The following ANKH variants were observed in gnomAD, a reference collection of about 807,000 sequenced individuals.
ANKH encodes mineralization regulator ANKH.
Under a neutral mutation model 49.0 loss-of-function variants are expected in ANKH, and 15 were observed. That is an observed-to-expected ratio of 0.31 (90% CI 0.20 to 0.47). The LOEUF (loss-of-function observed/expected upper bound fraction) is 0.47, where lower values mean the gene tolerates loss of function less well. ANKH is among the 20% of genes least tolerant of loss of function. The pLI, the probability that ANKH is intolerant of heterozygous loss-of-function variation, is 1.00. For missense variants in ANKH, 429 were observed against 652.0 expected, an observed-to-expected ratio of 0.66 and a Z score of 3.72; for synonymous variants, 273 against 260.0, an observed-to-expected ratio of 1.05 and a Z score of -0.48.
At chr5:14,781,701 T>C (rs945882642) in intron 1 of ANKH, among the ~76,000 whole-genome samples, 7 of 152,302 alleles carry the variant, frequency 4.6e-5, no homozygotes, top group Middle Eastern at 6.8e-3. Context: ...TTCAAGATGG[T>C]AGAAGGCCTG....
rs1287668256 is a variant in ANKH at position 14,835,081 on chromosome 5, T to C, written c.96+36271A>G. On this transcript the variant is annotated intron_variant, in intron 1 of 11. Coordinates refer to ENST00000284268, the MANE Select transcript of ANKH (RefSeq NM_054027.6). ...ATCAAGCAAGATTAACCATTACTTCTGATACTAGTACAACTCATTTACATT... is the reference window on the plus strand; with the variant it reads ...ATCAAGCAAGATTAACCATTACTTCCGATACTAGTACAACTCATTTACATT... Among the ~76,000 whole-genome samples the C allele has an allele frequency of 2.6e-5, 4 of 152,240 alleles. No homozygotes were observed. In the South Asian group the frequency reaches 6.2e-4, roughly 24 times the overall value.
intron 11 of ANKH, 121 bp from the exon 12 acceptor site, chr5:14,711,431 TA>T: frequency 1.2e-6 from 1 of 828,420 alleles, no homozygotes; most frequent in South Asian, 1.4e-5. Context: ...TAAACCTTCT[TA>T]TGGTTGGGGT....
At chr5:14,850,138 A>T (rs916712511) in intron 1 of ANKH, among the ~76,000 whole-genome samples, 4 of 152,172 alleles carry the variant, frequency 2.6e-5, no homozygotes, top group African/African-American at 7.2e-5. Context: ...CACTGGCTTG[A>T]CGAGGAACCC....
At chr5:14,819,355 T>C (rs1200357013) in intron 1 of ANKH, among the ~76,000 whole-genome samples, 1 of 152,276 alleles carries the variant, frequency 6.6e-6, no homozygotes, top group African/African-American at 2.4e-5. Context: ...TATATTGCTG[T>C]AATGCAGTCA....
intron 1 of ANKH, among the ~76,000 whole-genome samples, chr5:14,866,412 G>A (rs1254424814): frequency 6.6e-6 from 1 of 152,158 alleles, no homozygotes; most frequent in South Asian, 2.1e-4. Flanking sequence ...GGTCTTCACA[G>A]CAACGTTGCC....
chr5:14,787,408 CAT>C (rs1740014400), intron 1 of ANKH, among the ~76,000 whole-genome samples: 1 of 152,050 alleles, frequency 6.6e-6, no homozygotes, highest in Admixed American at 6.6e-5. Flanking sequence ...CTGTTAAAAA[CAT>C]AAAAAAAGAC....
Position 14,706,489 on chromosome 5 carries a change from A to G in ANKH, c.*4708T>C, listed in dbSNP as rs1049138397. On this transcript the variant is annotated 3_prime_UTR_variant, in exon 12 of 12. Transcript: ENST00000284268. ...AATAGATTTAATGTCCACTCTTGAG[A>G]AGAAAATAAAGTCTAAACTTAAGGT... 5.3e-5 allele frequency: 8 copies of G among 152,212 alleles called. No individual in the cohort carries two copies. The highest frequency in any genetic ancestry group is 1.9e-4 in the African/African-American group (8 of 41,442). 9.4% of individuals were successfully genotyped at this position (152,212 alleles called of 1,614,324 possible).
At chr5:14,812,773 A>C (rs1740924207) in intron 1 of ANKH, among the ~76,000 whole-genome samples, 1 of 152,218 alleles carries the variant, frequency 6.6e-6, no homozygotes, top group South Asian at 2.1e-4. Flanking sequence ...CAGTTTTAGT[A>C]AGTGTCAGAA....
intron 1 of ANKH, among the ~76,000 whole-genome samples, chr5:14,795,368 T>C (rs1035326842): frequency 3.5e-4 from 54 of 152,194 alleles, no homozygotes; most frequent in Non-Finnish European, 1.3e-4. Context: ...AGATGCAGCT[T>C]TTATTCTGAA....
At chr5:14,711,820 C>A (rs1240424698) in intron 11 of ANKH, among the ~76,000 whole-genome samples, 2 of 152,256 alleles carry the variant, frequency 1.3e-5, no homozygotes, top group African/African-American at 4.8e-5. Flanking sequence ...CCTGTTCTTA[C>A]AATAAATGGC....
chr5:14,721,618 G>A (rs904357637), intron 8 of ANKH, among the ~76,000 whole-genome samples: 1 of 152,120 alleles, frequency 6.6e-6, no homozygotes, highest in African/African-American at 2.4e-5. Context: ...AACTTAGAAA[G>A]GAATACATTT....
chr5:14,775,739 GA>G (rs1221182684), intron 1 of ANKH, among the ~76,000 whole-genome samples: 2 of 152,188 alleles, frequency 1.3e-5, no homozygotes, highest in East Asian at 3.9e-4. Flanking sequence ...GAGAGGTGTA[GA>G]AGGTGGGTTT....
chr5:14,763,854 C>T (rs186461072), intron 2 of ANKH, among the ~76,000 whole-genome samples: 22 of 152,042 alleles, frequency 1.4e-4, no homozygotes, highest in East Asian at 1.9e-4. Context: ...TTTGGGAGGC[C>T]GAGGCGGGTG....
Position 14,786,786 on chromosome 5 carries a change from G to C in ANKH, c.97-17595C>G, listed in dbSNP as rs567347655. Among the ~76,000 whole-genome samples the C allele has an allele frequency of 1.4e-3, 215 of 152,280 alleles. 1 individual carries two copies. The highest frequency in any genetic ancestry group is 0.013 in the South Asian group (63 of 4,830). On this transcript the variant is annotated intron_variant, in intron 1 of 11. Coordinates refer to ENST00000284268, the MANE Select transcript of ANKH (RefSeq NM_054027.6). ...CAAGAGGTATTATAATTAAAAGTGT[G>C]ACAACTCCTTGACCCAGTAATCCCC...
chr5:14,762,337 G>A (rs928106672), intron 2 of ANKH, among the ~76,000 whole-genome samples: 6 of 152,354 alleles, frequency 3.9e-5, no homozygotes, highest in Non-Finnish European at 1.5e-5. Context: ...TCCTGGGGAT[G>A]AGCCCAGCCC....
In ANKH at chr5:14,757,435, T is replaced by A. The variant is rs1246593823; in HGVS notation, c.432+1045A>T. On this transcript the variant is annotated intron_variant, in intron 3 of 11. Transcript: ENST00000284268. ...GAACATATATATATATATATATTTTTTTTTTTTTTTTTTTGCTAAGTCTTT... is the reference window on the plus strand; with the variant it reads ...GAACATATATATATATATATATTTTATTTTTTTTTTTTTTGCTAAGTCTTT... 5.8e-3 allele frequency among the ~76,000 whole-genome samples: 761 copies of A among 130,758 alleles called. 2 individuals carry two copies. Among genetic ancestry groups the A allele is most frequent in the African/African-American group, 0.011 (399 of 35,500 alleles). 85.8% of individuals were successfully genotyped at this position (130,758 alleles called of 152,430 possible).
Position 14,711,136 on chromosome 5 carries a change from AGAT to A in ANKH, c.*58_*60del. The A allele has an allele frequency of 2.3e-6, 3 of 1,332,330 alleles. No individual in the cohort carries two copies. The highest frequency in any genetic ancestry group is 3.2e-6 in the Non-Finnish European group (3 of 923,236). The allele number at this position is 1,332,330 out of a possible 1,614,324, so 82.5% of individuals were successfully genotyped here. A position where few individuals can be genotyped will look rare whatever the true frequency, so the allele number is the denominator to read the frequency against. ...AACAAAATACGATGGGAGAGGGAAG[AGAT>A]GATGCCGAAGTGTCATCCTGACTGA... On this transcript the variant is annotated 3_prime_UTR_variant, in exon 12 of 12. Coordinates refer to ENST00000284268, the MANE Select transcript of ANKH (RefSeq NM_054027.6).
intron 8 of ANKH, among the ~76,000 whole-genome samples, chr5:14,719,986 C>G: frequency 6.6e-6 from 1 of 152,144 alleles, no homozygotes; most frequent in East Asian, 1.9e-4. Context: ...AAACTGAATA[C>G]ATTCTAAAAT....
chr5:14,722,273 A>G (rs576451204), intron 8 of ANKH, among the ~76,000 whole-genome samples: 3 of 152,138 alleles, frequency 2.0e-5, no homozygotes, highest in Admixed American at 6.5e-5. Flanking sequence ...TCTCCCACCA[A>G]TGAACAAGAG....
Sources: allele counts gnomAD v4.1 joint callset (sites outside exome capture counted in the v4.1 genomes callset), GRCh38; gene constraint gnomAD v4.1.1; transcripts MANE v1.5; gene names NCBI Gene and HGNC (gene_info 2026-07-23, HGNC 2026-07-21).